The following CPNE8 variants were observed in gnomAD, a reference collection of about 807,000 sequenced individuals.
CPNE8 encodes copine 8, also known as copine-8.
A neutral mutation model predicts 81.5 loss-of-function variants in CPNE8; 45 were observed. The ratio of observed to expected loss-of-function variants is 0.55; its 90% CI spans 0.44 to 0.71. CPNE8 has a LOEUF of 0.71. Among genes scored for constraint, CPNE8 ranks in the 30% least tolerant of loss-of-function variants. CPNE8 has a pLI of 0.00. For missense variants in CPNE8, 594 were observed against 672.1 expected, an observed-to-expected ratio of 0.88 and a Z score of 1.28; for synonymous variants, 252 against 226.3, an observed-to-expected ratio of 1.11 and a Z score of -1.02.
chr12:38,776,877 C>G (rs1259542653), intron 6 of CPNE8, among the ~76,000 whole-genome samples: 1 of 152,038 alleles, frequency 6.6e-6, no homozygotes, highest in Non-Finnish European at 1.5e-5. Flanking sequence ...CTGAGGCAAA[C>G]AAATCTACTG....
chr12:38,753,313 A>C (rs1941390540), intron 10 of CPNE8, among the ~76,000 whole-genome samples: 1 of 152,024 alleles, frequency 6.6e-6, no homozygotes, highest in African/African-American at 2.4e-5. Flanking sequence ...TTAGCCAGGC[A>C]TGGTGGTAGA....
At chr12:38,795,422 A>C (rs186889801) in intron 6 of CPNE8, among the ~76,000 whole-genome samples, 1 of 152,286 alleles carries the variant, frequency 6.6e-6, no homozygotes, top group African/African-American at 2.4e-5. Flanking sequence ...ATATTTGCAC[A>C]CCTATGTTAA....
At position 38,653,813 on chromosome 12, in the gene CPNE8, G is replaced by T; in HGVS notation, c.*69C>A. The T allele has an allele frequency of 6.5e-7, 1 of 1,546,354 alleles. No individual in the cohort carries two copies. On this transcript the variant is annotated 3_prime_UTR_variant, in exon 20 of 20. Transcript: ENST00000331366. ...CTATCTCATTGCCTGGTTCATTACA[G>T]AGCACCAGGCACAAAGCATTAACTC...
chr12:38,887,772 T>G (rs1592157128), intron 1 of CPNE8, among the ~76,000 whole-genome samples: 1 of 152,316 alleles, frequency 6.6e-6, no homozygotes, highest in Admixed American at 6.5e-5. Flanking sequence ...AGTTGCCGTT[T>G]AAATCCAGAT....
intron 10 of CPNE8, among the ~76,000 whole-genome samples, chr12:38,749,471 G>A (rs1941306546): frequency 6.6e-6 from 1 of 152,138 alleles, no homozygotes; most frequent in Non-Finnish European, 1.5e-5. Context: ...CAGCTTGGAG[G>A]GCTCAGAAGA....
intron 13 of CPNE8, among the ~76,000 whole-genome samples, chr12:38,718,198 T>C (rs1197954740): frequency 6.6e-6 from 1 of 152,172 alleles, no homozygotes; most frequent in Non-Finnish European, 1.5e-5. Flanking sequence ...AATGGCCAGA[T>C]GGGCTAACTT....
chr12:38,766,798 A>G (rs1364660278), intron 8 of CPNE8, among the ~76,000 whole-genome samples: 4 of 152,188 alleles, frequency 2.6e-5, no homozygotes, highest in South Asian at 2.1e-4. Flanking sequence ...TATACATAAT[A>G]ATAATATTAG....
At chr12:38,677,109 G>T (rs1167197168) in intron 17 of CPNE8, among the ~76,000 whole-genome samples, 1 of 152,034 alleles carries the variant, frequency 6.6e-6, no homozygotes, top group African/African-American at 2.4e-5. Flanking sequence ...CCTCTAACTG[G>T]AATGTAAATG....
At chr12:38,758,216 C>T (rs1019735182) in intron 10 of CPNE8, among the ~76,000 whole-genome samples, 1 of 152,000 alleles carries the variant, frequency 6.6e-6, no homozygotes, top group Non-Finnish European at 1.5e-5. Flanking sequence ...TAAGCCACCT[C>T]TTTTTCACAT....
chr12:38,901,409 AG>A (rs1944460431), intron 1 of CPNE8, among the ~76,000 whole-genome samples: 1 of 152,212 alleles, frequency 6.6e-6, no homozygotes, highest in South Asian at 2.1e-4. Context: ...CAAGGACCCA[AG>A]GAAAACAGGT....
At chr12:38,882,215 G>C (rs1015741274) in intron 1 of CPNE8, among the ~76,000 whole-genome samples, 1 of 152,174 alleles carries the variant, frequency 6.6e-6, no homozygotes, top group Non-Finnish European at 1.5e-5. Context: ...ATATATAAGA[G>C]GAAGGCAGAG....
chr12:38,856,872 T>C (rs1565650551), intron 3 of CPNE8, among the ~76,000 whole-genome samples: 1 of 152,124 alleles, frequency 6.6e-6, no homozygotes, highest in Non-Finnish European at 1.5e-5. Flanking sequence ...TATGTTGTGA[T>C]TTATCTTTAT....
intron 19 of CPNE8, among the ~76,000 whole-genome samples, chr12:38,668,037 G>A (rs1939097595): frequency 1.3e-5 from 2 of 152,174 alleles, no homozygotes; most frequent in African/African-American, 4.8e-5. Context: ...GACCTCAGGT[G>A]ATCCTCCCGC....
chr12:38,833,046 T>C (rs1943315286), intron 5 of CPNE8, among the ~76,000 whole-genome samples: 1 of 141,378 alleles, frequency 7.1e-6, no homozygotes. Flanking sequence ...AGCACAACTG[T>C]TGGTTTTTAA....
intron 4 of CPNE8, among the ~76,000 whole-genome samples, chr12:38,842,569 CTTTTTTT>C (rs769891980): frequency 3.6e-5 from 4 of 110,836 alleles, no homozygotes; most frequent in East Asian, 2.5e-4. Flanking sequence ...AACATTTTTC[CTTTTTTT>C]TTTTTTTTTT....
intron 3 of CPNE8, among the ~76,000 whole-genome samples, chr12:38,849,263 T>C (rs7134806): frequency 0.053 from 8,010 of 152,270 alleles, 285 homozygotes; most frequent in Non-Finnish European, 0.079. Flanking sequence ...TGCTGCACTT[T>C]AGCTTAGAAA....
chr12:38,848,498 A>T (rs1385520274), intron 4 of CPNE8, 61 bp downstream of exon 4: 1 of 1,493,946 alleles, frequency 6.7e-7, no homozygotes, highest in African/African-American at 1.4e-5. Flanking sequence ...ACCCTGCCTT[A>T]CATTAGTAAT....
rs775374746 is a variant in CPNE8, at chr12:38,693,821, T to G, written c.979A>C (p.Thr327Pro). The G allele has an allele frequency of 3.5e-5, 56 of 1,609,168 alleles. No individual in the cohort carries two copies. The highest frequency in any genetic ancestry group is 4.4e-5 in the Non-Finnish European group (52 of 1,177,896). Residue 327 changes from threonine (T) to proline (P), a missense_variant, in exon 15 of 20, where the codon ACT becomes CCT. Thr to Pro is a conservative substitution (Grantham distance 38, BLOSUM62 -1). Coordinates refer to ENST00000331366, the MANE Select transcript of CPNE8 (RefSeq NM_153634.3). ...TASNGNPAQPTSLHYMNPYQL... is the reference protein window; with the variant it reads ...TASNGNPAQPPSLHYMNPYQL... ...TAAGGATTCATGTAGTGGAGGGAAGTGGGCTGAGCAGGGTTGCCTGATGAC... is the reference window on the plus strand; with the variant it reads ...TAAGGATTCATGTAGTGGAGGGAAGGGGGCTGAGCAGGGTTGCCTGATGAC...
intron 6 of CPNE8, among the ~76,000 whole-genome samples, chr12:38,796,921 C>G (rs1003663873): frequency 6.6e-6 from 1 of 152,180 alleles, no homozygotes; most frequent in Non-Finnish European, 1.5e-5. Context: ...GAGGGTCCTA[C>G]GTCCATGGAG....
Sources: allele counts gnomAD v4.1 joint callset (sites outside exome capture counted in the v4.1 genomes callset), GRCh38; gene constraint gnomAD v4.1.1; transcripts MANE v1.5; gene names NCBI Gene and HGNC (gene_info 2026-07-23, HGNC 2026-07-21).